Variants in ZNF678 observed in about 807,000 individuals in gnomAD.
ZNF678 encodes the protein hypothetical protein MGC42493.
Under a neutral mutation model 3.0 loss-of-function variants are expected in ZNF678, and 5 were observed. The ratio of observed to expected loss-of-function variants is 1.69; its 90% CI spans 0.88 to 3.56. The LOEUF (loss-of-function observed/expected upper bound fraction) is 3.56. Ranked by LOEUF, ZNF678 falls within the 30% of genes most tolerant of loss-of-function variation. ZNF678 has a pLI of 0.00. For missense variants in ZNF678, 593 were observed against 605.0 expected (o/e 0.98, Z 0.21); for synonymous variants, 218 against 199.6 (o/e 1.09, Z -0.78).
chr1:227,578,753 C>T (rs919942560), intron 1 of ZNF678, among the ~76,000 whole-genome samples: 3 of 152,142 alleles, frequency 2.0e-5, no homozygotes, highest in African/African-American at 7.2e-5. Flanking sequence ...TTTCAGTGAT[C>T]TCAGCTTGGT....
intron 1 of ZNF678, among the ~76,000 whole-genome samples, chr1:227,571,115 G>A (rs567419903): frequency 2.4e-4 from 37 of 152,080 alleles, no homozygotes; most frequent in Non-Finnish European, 4.6e-4. Flanking sequence ...TAAAATAATA[G>A]TATCAATGTA....
At chr1:227,574,383 T>C (rs1439737574) in intron 1 of ZNF678, among the ~76,000 whole-genome samples, 1 of 152,260 alleles carries the variant, frequency 6.6e-6, no homozygotes, top group Non-Finnish European at 1.5e-5. Context: ...TGAGATGGTA[T>C]GTCATTGTGG....
intron 1 of ZNF678, among the ~76,000 whole-genome samples, chr1:227,605,511 A>G (rs186974823): frequency 8.9e-4 from 136 of 152,312 alleles, no homozygotes; most frequent in Admixed American, 1.8e-3. Context: ...CTTGTTCCCA[A>G]TGTTATGGAG....
intron 1 of ZNF678, among the ~76,000 whole-genome samples, chr1:227,565,937 A>G (rs1390576228): frequency 6.6e-6 from 1 of 151,942 alleles, no homozygotes; most frequent in African/African-American, 2.4e-5. Flanking sequence ...ATTTTTTTGT[A>G]TTTTTAGTAG....
chr1:227,587,701 C>A (rs1348965879), intron 1 of ZNF678, among the ~76,000 whole-genome samples: 1 of 152,054 alleles, frequency 6.6e-6, no homozygotes, highest in Non-Finnish European at 1.5e-5. Context: ...CATGATGCAG[C>A]CAAAGATGTT....
At chr1:227,599,741 C>T (rs1657686590) in intron 1 of ZNF678, among the ~76,000 whole-genome samples, 1 of 152,098 alleles carries the variant, frequency 6.6e-6, no homozygotes, top group Non-Finnish European at 1.5e-5. Context: ...AAACACCGTA[C>T]ATGAATGTTG....
intron 1 of ZNF678, among the ~76,000 whole-genome samples, chr1:227,572,919 G>A (rs1558128609): frequency 6.6e-6 from 1 of 152,222 alleles, no homozygotes; most frequent in African/African-American, 2.4e-5. Flanking sequence ...ACTGCCTGGC[G>A]GTCCTTATCT....
chr1:227,673,391 T>C (rs1659632686), intron 5 of ZNF678, among the ~76,000 whole-genome samples: 3 of 152,198 alleles, frequency 2.0e-5, no homozygotes, highest in Non-Finnish European at 2.9e-5. Context: ...TCTAATTCCA[T>C]GAGAGCTTCC....
chr1:227,649,792 G>C (rs1659047078), intron 2 of ZNF678, among the ~76,000 whole-genome samples: 1 of 152,172 alleles, frequency 6.6e-6, no homozygotes. Flanking sequence ...TGATATATCT[G>C]TTGGCATTTG....
chr1:227,564,159 G>A (rs1656609988), intron 1 of ZNF678, among the ~76,000 whole-genome samples: 1 of 152,218 alleles, frequency 6.6e-6, no homozygotes, highest in Non-Finnish European at 1.5e-5. Flanking sequence ...TGGCTTGTGG[G>A]TTTATGGAGG....
intron 1 of ZNF678, among the ~76,000 whole-genome samples, chr1:227,617,183 T>A (rs1329522590): frequency 3.9e-5 from 6 of 152,236 alleles, no homozygotes; most frequent in Non-Finnish European, 5.9e-5. Context: ...CTTGACCATG[T>A]GCCACCAGGT....
intron 5 of ZNF678, among the ~76,000 whole-genome samples, chr1:227,668,164 A>G (rs1309147347): frequency 6.6e-6 from 1 of 151,936 alleles, no homozygotes; most frequent in Non-Finnish European, 1.5e-5. Context: ...AAGAAGTCAT[A>G]TCCCTGAAGT....
Position 227,660,240 on chromosome 1 carries a change from G to A in ZNF678, c.*4412G>A, listed in dbSNP as rs1659366215. On this transcript the variant is annotated 3_prime_UTR_variant, in exon 4 of 4. Coordinates refer to ENST00000343776, the MANE Select transcript of ZNF678 (RefSeq NM_001367909.1). ...CTTCCAACCTTCAGAGTCTTTTACT[G>A]TACTATATGAATTTTTGTGTTTTTT... The A allele has an allele frequency of 6.9e-6, 1 of 145,406 alleles. No homozygotes were observed. The highest frequency in any genetic ancestry group is 1.5e-5 in the Non-Finnish European group (1 of 67,120). 9.0% of individuals were successfully genotyped at this position (145,406 alleles called of 1,614,324 possible).
intron 1 of ZNF678, among the ~76,000 whole-genome samples, chr1:227,639,456 A>AT (rs1216940924): frequency 5.9e-5 from 9 of 152,218 alleles, no homozygotes; most frequent in Admixed American, 3.9e-4. Flanking sequence ...TGCACCAAAT[A>AT]TCAGGGTTGG....
intron 1 of ZNF678, among the ~76,000 whole-genome samples, chr1:227,627,343 T>G (rs1367786030): frequency 6.6e-6 from 1 of 152,086 alleles, no homozygotes; most frequent in Non-Finnish European, 1.5e-5. Context: ...CCCATTCCAT[T>G]TCTTCTGCTG....
chr1:227,610,243 A>G (rs1187252317), intron 1 of ZNF678, among the ~76,000 whole-genome samples: 10 of 152,352 alleles, frequency 6.6e-5, no homozygotes, highest in South Asian at 4.1e-4. Flanking sequence ...TCCAGCCCCT[A>G]TCATCACTAA....
At chr1:227,645,191 G>A (rs1025297373) in intron 1 of ZNF678, among the ~76,000 whole-genome samples, 1 of 152,180 alleles carries the variant, frequency 6.6e-6, no homozygotes, top group Non-Finnish European at 1.5e-5. Flanking sequence ...CTGCCTGTGT[G>A]TATGGTCATA....
At chr1:227,629,661 C>T (rs971193502) in intron 1 of ZNF678, among the ~76,000 whole-genome samples, 2 of 152,234 alleles carry the variant, frequency 1.3e-5, no homozygotes, top group Non-Finnish European at 2.9e-5. Flanking sequence ...CATGGGCCGG[C>T]GCTTGCCCCG....
chr1:227,643,977 C>T lies in ZNF678; in HGVS notation c.-163-2567C>T, dbSNP rs183867596. 8.6e-3 allele frequency among the ~76,000 whole-genome samples: 1,305 copies of T among 150,926 alleles called. 10 individuals carry two copies. Among genetic ancestry groups the T allele is most frequent in the Middle Eastern group, 0.031 (9 of 292 alleles). ...CCTCCGGGTTCAAGTGATTCTCCTG[C>T]GTCAGCCTCCCGAGTGGCTGGGATT... On this transcript the variant is annotated intron_variant, in intron 1 of 3. Coordinates refer to ENST00000343776, the MANE Select transcript of ZNF678 (RefSeq NM_001367909.1).
Sources: allele counts gnomAD v4.1 joint callset (sites outside exome capture counted in the v4.1 genomes callset), GRCh38; gene constraint gnomAD v4.1.1; transcripts MANE v1.5; gene names NCBI Gene and HGNC (gene_info 2026-07-23, HGNC 2026-07-21).